ANKS1B: variants seen among roughly 807,000 people sequenced by gnomAD.
The protein encoded by ANKS1B is ankyrin repeat and sterile alpha motif domain-containing protein 1B.
A neutral mutation model predicts 148.3 loss-of-function variants in ANKS1B; 36 were observed. That is an observed-to-expected ratio of 0.24 (90% CI 0.19 to 0.32). ANKS1B has a LOEUF of 0.32. Among genes scored for constraint, ANKS1B ranks in the 10% least tolerant of loss-of-function variants. The pLI is 1.00. For missense variants in ANKS1B, 1,157 were observed against 1,542.6 expected (o/e 0.75, Z 4.19); for synonymous variants, 542 against 560.8 (o/e 0.97, Z 0.47).
chr12:99,045,186 G>A (rs1360778284), intron 17 of ANKS1B, among the ~76,000 whole-genome samples: 1 of 152,040 alleles, frequency 6.6e-6, no homozygotes, highest in Non-Finnish European at 1.5e-5. Context: ...TTGATACATG[G>A]GTTATAATTA....
chr12:99,768,596 G>A (rs978411415), intron 8 of ANKS1B, among the ~76,000 whole-genome samples: 1 of 152,018 alleles, frequency 6.6e-6, no homozygotes, highest in Non-Finnish European at 1.5e-5. Flanking sequence ...GGGAAGCCGA[G>A]GCAGGCAGAT....
At chr12:99,462,737 G>A (rs1016306978) in intron 10 of ANKS1B, among the ~76,000 whole-genome samples, 1 of 152,208 alleles carries the variant, frequency 6.6e-6, no homozygotes, top group African/African-American at 2.4e-5. Flanking sequence ...CACTGTTGGA[G>A]ATGGGCATAC....
At chr12:99,924,516 C>CTATGG (rs1237399722) in intron 1 of ANKS1B, among the ~76,000 whole-genome samples, 6 of 151,968 alleles carry the variant, frequency 3.9e-5, no homozygotes, top group Non-Finnish European at 8.8e-5. Flanking sequence ...ATTAACACTG[C>CTATGG]TATGGTATGA....
In ANKS1B at chr12:99,191,861, C is replaced by T. The variant is rs142931029; in HGVS notation, c.2420-37466G>A. 5.6e-3 allele frequency among the ~76,000 whole-genome samples: 849 copies of T among 152,036 alleles called. 15 individuals carry two copies. The highest frequency in any genetic ancestry group is 0.047 in the South Asian group (228 of 4,812). On this transcript the variant is annotated intron_variant, in intron 14 of 26. Transcript: ENST00000683438. ...GTATAATAAAAGAATTGGCTGGGTGCGGTGGCTCATGCCTGTAATCCCAGC... is the reference window on the plus strand; with the variant it reads ...GTATAATAAAAGAATTGGCTGGGTGTGGTGGCTCATGCCTGTAATCCCAGC...
intron 15 of ANKS1B, among the ~76,000 whole-genome samples, chr12:99,139,560 C>G (rs891091330): frequency 6.9e-6 from 1 of 145,580 alleles, no homozygotes; most frequent in Non-Finnish European, 1.5e-5. Context: ...ATTACAGGTG[C>G]AAGCCACTGT....
intron 11 of ANKS1B, among the ~76,000 whole-genome samples, chr12:99,408,651 G>GA (rs1448397908): frequency 2.1e-5 from 3 of 144,564 alleles, no homozygotes; most frequent in Admixed American, 6.9e-5. Flanking sequence ...AACTGAAAAG[G>GA]AAAAAAAATC....
intron 12 of ANKS1B, among the ~76,000 whole-genome samples, chr12:99,308,646 T>C (rs2082680931): frequency 6.6e-6 from 1 of 151,756 alleles, no homozygotes; most frequent in African/African-American, 2.4e-5. Context: ...CTTGTTAAGA[T>C]CCAAAAAAAA....
At chr12:99,399,907 G>C in intron 11 of ANKS1B, 96 bp from the exon 12 acceptor site, 1 of 1,222,002 alleles carries the variant, frequency 8.2e-7, no homozygotes, top group Middle Eastern at 2.2e-4. Flanking sequence ...ATTTTTTTCA[G>C]TTAAAAACTA....
chr12:99,290,285 G>GAAAAA (rs796594786), intron 12 of ANKS1B, among the ~76,000 whole-genome samples: 3 of 88,936 alleles, frequency 3.4e-5, no homozygotes, highest in Admixed American at 1.3e-4. Context: ...AAGTCTCCCA[G>GAAAAA]AAAAAAAAAA....
intron 12 of ANKS1B, among the ~76,000 whole-genome samples, chr12:99,321,755 T>C (rs929517017): frequency 2.0e-5 from 3 of 152,128 alleles, no homozygotes; most frequent in African/African-American, 4.8e-5. Flanking sequence ...AGAAATCACC[T>C]GTCTTCTGCA....
In ANKS1B at chr12:98,864,126, A is replaced by T. The variant is rs1382270965; in HGVS notation, c.2779-31990T>A. ...ACCTGGCCTACAATAGGTGTCTGTG[A>T]TGCTTTTTTTTTTTTTCATTTTTAA... On this transcript the variant is annotated intron_variant, in intron 17 of 26. Transcript: ENST00000683438. Among the ~76,000 whole-genome samples, 13 of 142,006 alleles carry T rather than the reference A, an allele frequency of 9.2e-5. No homozygotes were observed. In the East Asian group the frequency reaches 2.4e-3, roughly 26 times the overall value. 93.2% of individuals were successfully genotyped at this position (142,006 alleles called of 152,430 possible).
intron 9 of ANKS1B, among the ~76,000 whole-genome samples, chr12:99,530,008 C>T (rs113742403): frequency 3.9e-5 from 6 of 152,278 alleles, no homozygotes; most frequent in African/African-American, 1.4e-4. Flanking sequence ...AAGAAACCAA[C>T]CAGAGATTTT....
At chr12:99,960,452 C>A (rs1181892306) in intron 1 of ANKS1B, among the ~76,000 whole-genome samples, 1 of 152,206 alleles carries the variant, frequency 6.6e-6, no homozygotes, top group Non-Finnish European at 1.5e-5. Context: ...TCTCTTTAGT[C>A]ACAGAGCATT....
chr12:98,827,346 G>C (rs868577899), intron 19 of ANKS1B, among the ~76,000 whole-genome samples: 2 of 152,172 alleles, frequency 1.3e-5, no homozygotes, highest in East Asian at 3.9e-4. Flanking sequence ...CTCGATCATC[G>C]TTAGTACTCC....
intron 15 of ANKS1B, among the ~76,000 whole-genome samples, chr12:99,106,632 T>C (rs2153690918): frequency 6.6e-6 from 1 of 152,350 alleles, no homozygotes; most frequent in African/African-American, 2.4e-5. Flanking sequence ...GATATCTTGA[T>C]ACAAGCATAC....
chr12:99,796,714 T>C (rs921185653), intron 4 of ANKS1B, among the ~76,000 whole-genome samples: 9 of 151,914 alleles, frequency 5.9e-5, no homozygotes, highest in Non-Finnish European at 1.3e-4. Context: ...TATTAAACTA[T>C]AAAGTAATGA....
In ANKS1B at chr12:99,921,592, C is replaced by T. The variant is rs551700470; in HGVS notation, c.134+62512G>A. 3.3e-5 allele frequency among the ~76,000 whole-genome samples: 5 copies of T among 152,170 alleles called. No individual in the cohort carries two copies. The East Asian group carries it at 5.8e-4, about 18-fold the overall frequency. ...ACCAAATTCTCACTTCCCCTGCTCA[C>T]ACTCCCCCCAAAAAATCTACTCACC... is the stretch of plus-strand genomic sequence containing the variant. On this transcript the variant is annotated intron_variant, in intron 1 of 26. Coordinates refer to ENST00000683438, the MANE Select transcript of ANKS1B (RefSeq NM_001352186.2).
chr12:99,785,661 G>C lies in ANKS1B; in HGVS notation c.670-3564C>G, dbSNP rs1277833706. On this transcript the variant is annotated intron_variant, in intron 4 of 26. Coordinates refer to ENST00000683438, the MANE Select transcript of ANKS1B (RefSeq NM_001352186.2). ...TTGACCAGGCTGGTCTTGAACTCCT[G>C]ACCTCAAATGATCCGCCCACGTCAG... 2.6e-5 allele frequency among the ~76,000 whole-genome samples: 4 copies of C among 152,238 alleles called. No individual in the cohort carries two copies. The East Asian group carries it at 7.8e-4, about 30-fold the overall frequency.
In ANKS1B at chr12:98,948,842, T is replaced by C. The variant is rs568134540; in HGVS notation, c.2778+104315A>G. On this transcript the variant is annotated intron_variant, in intron 17 of 26. Coordinates refer to ENST00000683438, the MANE Select transcript of ANKS1B (RefSeq NM_001352186.2). ...GGCTCAAGAGCACACGGGTAGTAACTCTCAAATAGTAAGAACTGCTTGACT... is the reference window on the plus strand; with the variant it reads ...GGCTCAAGAGCACACGGGTAGTAACCCTCAAATAGTAAGAACTGCTTGACT... 4.0e-5 allele frequency among the ~76,000 whole-genome samples: 6 copies of C among 149,626 alleles called. No individual in the cohort carries two copies. The South Asian group carries it at 1.3e-3, about 32-fold the overall frequency.
Sources: gnomAD v4.1 joint callset for allele counts (sites outside exome capture counted in the v4.1 genomes callset) on GRCh38, gnomAD v4.1.1 for gene constraint, MANE v1.5 for transcripts, NCBI Gene and HGNC (gene_info 2026-07-23, HGNC 2026-07-21) for gene names.